Variants in PPM1H observed in about 807,000 individuals in gnomAD.
The protein encoded by PPM1H is protein phosphatase, Mg2+/Mn2+ dependent 1H, also known as protein phosphatase 1H.
PPM1H carries 27 observed loss-of-function variants against 54.9 expected under a neutral mutation model. The observed-to-expected ratio is 0.49, with a 90% CI of 0.36 to 0.68. PPM1H has a LOEUF of 0.68. Among genes scored for constraint, PPM1H ranks in the 30% least tolerant of loss-of-function variants. The pLI, the probability that PPM1H is intolerant of heterozygous loss-of-function variation, is 0.00. For missense variants in PPM1H, 596 were observed against 667.8 expected, an observed-to-expected ratio of 0.89 and a Z score of 1.19; for synonymous variants, 305 against 270.8, an observed-to-expected ratio of 1.13 and a Z score of -1.24.
chr12:62,858,450 T>TG (rs1555201787), intron 1 of PPM1H, among the ~76,000 whole-genome samples: 1 of 102,538 alleles, frequency 9.8e-6, no homozygotes, highest in Non-Finnish European at 1.8e-5. Context: ...AAATGCTTTT[T>TG]TTGTTGTTGT....
intron 7 of PPM1H, among the ~76,000 whole-genome samples, chr12:62,692,775 T>C (rs902641562): frequency 7.2e-5 from 11 of 152,198 alleles, no homozygotes; most frequent in Non-Finnish European, 1.3e-4. Context: ...TTCATTTTCA[T>C]GAATGGGGTA....
intron 8 of PPM1H, among the ~76,000 whole-genome samples, chr12:62,672,703 T>C (rs2075963436): frequency 6.6e-6 from 1 of 152,232 alleles, no homozygotes; most frequent in South Asian, 2.1e-4. Context: ...TGCCTAGCAC[T>C]CAATTCACAA....
chr12:62,794,277 T>C (rs1381967072), intron 3 of PPM1H, among the ~76,000 whole-genome samples: 2 of 152,200 alleles, frequency 1.3e-5, no homozygotes, highest in Non-Finnish European at 2.9e-5. Flanking sequence ...GGGTTCCCAA[T>C]TTACCATTAA....
rs1220220680 is a variant in PPM1H at position 62,648,463 on chromosome 12, T to C, written c.*26A>G. 6.2e-7 allele frequency: 1 copy of C among 1,612,640 alleles called. No individual in the cohort carries two copies. Among genetic ancestry groups the C allele is most frequent in the East Asian group, 2.2e-5 (1 of 44,862 alleles). ...GAGGCATCCCAGCTTTCTTCCCCTC[T>C]GTCCTCCCAATCCCCTGGGCCATTT... On this transcript the variant is annotated 3_prime_UTR_variant, in exon 10 of 10. Coordinates refer to ENST00000228705, the MANE Select transcript of PPM1H (RefSeq NM_020700.2).
At chr12:62,855,836 A>G (rs1387887047) in intron 1 of PPM1H, among the ~76,000 whole-genome samples, 1 of 152,212 alleles carries the variant, frequency 6.6e-6, no homozygotes, top group Non-Finnish European at 1.5e-5. Flanking sequence ...TTGTATATCC[A>G]TAAATATTCT....
At chr12:62,896,894 C>T (rs699572) in intron 1 of PPM1H, among the ~76,000 whole-genome samples, 86,804 of 151,854 alleles carry the variant, frequency 0.57, 27,180 homozygotes, top group African/African-American at 0.83. Flanking sequence ...ATGTGGCACA[C>T]ATACACTATG....
intron 2 of PPM1H, among the ~76,000 whole-genome samples, chr12:62,827,487 C>A (rs913193402): frequency 6.6e-6 from 1 of 152,184 alleles, no homozygotes; most frequent in African/African-American, 2.4e-5. Flanking sequence ...AGCCTTCCCA[C>A]TGCCATCACT....
At chr12:62,658,182 ATTTTTTTTTTTT>A (rs1173229360) in intron 9 of PPM1H, among the ~76,000 whole-genome samples, 887 of 87,544 alleles carry the variant, frequency 0.01, 17 homozygotes, top group African/African-American at 0.034. Context: ...AACACGGTGA[ATTTTTTTTTTTT>A]TTTTTTTTTT....
chr12:62,658,838 CT>C lies in PPM1H; in HGVS notation c.1397+8339del, dbSNP rs934269528. ...TGGCATCAGGGCCAACTTCAGACTC[CT>C]TGTGGAGCCCAAGATTGTCAAAAAA... On this transcript the variant is annotated intron_variant, in intron 9 of 9. Coordinates refer to ENST00000228705, the MANE Select transcript of PPM1H (RefSeq NM_020700.2). 297 of 558,984 alleles carry C rather than the reference CT, an allele frequency of 5.3e-4. 3 individuals are homozygous for C. The Admixed American group carries it at 6.2e-3, about 12-fold the overall frequency. 34.6% of individuals were successfully genotyped at this position (558,984 alleles called of 1,614,324 possible). A position where few individuals can be genotyped will look rare whatever the true frequency, so the allele number is the denominator to read the frequency against.
chr12:62,856,924 A>G (rs1265268264), intron 1 of PPM1H, among the ~76,000 whole-genome samples: 3 of 152,210 alleles, frequency 2.0e-5, no homozygotes, highest in Non-Finnish European at 2.9e-5. Flanking sequence ...TTTTGTCACA[A>G]TAATCTATTT....
chr12:62,775,160 T>A (rs983956095), intron 4 of PPM1H, among the ~76,000 whole-genome samples: 1 of 152,312 alleles, frequency 6.6e-6, no homozygotes. Context: ...TTGATGAAAA[T>A]TGCTAATTGC....
At chr12:62,871,986 G>T (rs1870004192) in intron 1 of PPM1H, among the ~76,000 whole-genome samples, 1 of 152,202 alleles carries the variant, frequency 6.6e-6, no homozygotes, top group South Asian at 2.1e-4. Flanking sequence ...CCTGCTCTAA[G>T]CTCTCACTAA....
intron 2 of PPM1H, among the ~76,000 whole-genome samples, chr12:62,821,999 T>C (rs575046209): frequency 6.6e-6 from 1 of 152,246 alleles, no homozygotes; most frequent in South Asian, 2.1e-4. Flanking sequence ...GTGTGCTGTA[T>C]TCAGGAAACC....
intron 8 of PPM1H, among the ~76,000 whole-genome samples, chr12:62,684,405 G>A (rs1257042957): frequency 6.6e-6 from 1 of 152,182 alleles, no homozygotes; most frequent in African/African-American, 2.4e-5. Flanking sequence ...TGTGTTCAGC[G>A]AAACTGAAAA....
intron 4 of PPM1H, among the ~76,000 whole-genome samples, chr12:62,766,950 T>C (rs1407795638): frequency 6.6e-6 from 1 of 152,188 alleles, no homozygotes; most frequent in African/African-American, 2.4e-5. Context: ...GCCCAATAAA[T>C]ACCTGAAAAG....
At chr12:62,843,848 C>G (rs1307501967) in intron 1 of PPM1H, among the ~76,000 whole-genome samples, 1 of 152,192 alleles carries the variant, frequency 6.6e-6, no homozygotes, top group African/African-American at 2.4e-5. Context: ...CTGAACAATA[C>G]ATCAAGTAGC....
In PPM1H at chr12:62,674,712, T is replaced by A. The variant is rs542732776; in HGVS notation, c.1246-7383A>T. ...ATCTGCTGGGAACACCAAAGGTAAATGGGATACTGATTCCTTGGATGGACG... is the reference window on the plus strand; with the variant it reads ...ATCTGCTGGGAACACCAAAGGTAAAAGGGATACTGATTCCTTGGATGGACG... On this transcript the variant is annotated intron_variant, in intron 8 of 9. Transcript: ENST00000228705. Among the ~76,000 whole-genome samples the A allele has an allele frequency of 2.0e-5, 3 of 152,334 alleles. No homozygotes were observed. In the South Asian group the frequency reaches 6.2e-4, roughly 32 times the overall value.
At chr12:62,831,707 ATGTGTG>A (rs371871033) in intron 2 of PPM1H, among the ~76,000 whole-genome samples, 2 of 117,162 alleles carry the variant, frequency 1.7e-5, no homozygotes, top group South Asian at 2.7e-4. Context: ...TTGTGTGTGT[ATGTGTG>A]TGTGTGTGTG....
At chr12:62,931,165 A>T (rs1872121091) in intron 1 of PPM1H, among the ~76,000 whole-genome samples, 1 of 152,206 alleles carries the variant, frequency 6.6e-6, no homozygotes, top group African/African-American at 2.4e-5. Flanking sequence ...ATTGACCAAA[A>T]GATGTCAATT....
Sources: gnomAD v4.1 joint callset for allele counts (sites outside exome capture counted in the v4.1 genomes callset) on GRCh38, gnomAD v4.1.1 for gene constraint, MANE v1.5 for transcripts, NCBI Gene and HGNC (gene_info 2026-07-23, HGNC 2026-07-21) for gene names.